SVIL: variants seen among roughly 807,000 people sequenced by gnomAD.
SVIL encodes supervillin, also known as archvillin.
In SVIL, 101 loss-of-function variants were observed where a neutral mutation model predicts 240.4. The ratio of observed to expected loss-of-function variants is 0.42; its 90% CI spans 0.36 to 0.50. The LOEUF is 0.50. SVIL is among the 20% of genes least tolerant of loss of function. The pLI is 0.01. For missense variants in SVIL, 2,512 were observed against 2,818.7 expected (o/e 0.89, Z 2.46); for synonymous variants, 999 against 1,100.0 (o/e 0.91, Z 1.82).
At chr10:29,639,492 G>A (rs899387710), upstream of SVIL, among the ~76,000 whole-genome samples, 1 of 136,564 alleles carries the variant, frequency 7.3e-6, no homozygotes, top group African/African-American at 2.7e-5. Context: ...TTTTTGAGAT[G>A]GAGTTTCACT....
intron 1 of SVIL, among the ~76,000 whole-genome samples, chr10:29,723,197 T>G (rs943470436): frequency 6.6e-6 from 1 of 152,170 alleles, no homozygotes; most frequent in African/African-American, 2.4e-5. Context: ...TAGTGAGACC[T>G]TGTCTCTTCA....
chr10:29,728,543 C>A (rs1964421875), intron 1 of SVIL, among the ~76,000 whole-genome samples: 1 of 151,382 alleles, frequency 6.6e-6, no homozygotes, highest in African/African-American at 2.4e-5. Flanking sequence ...GAAGGGTTTG[C>A]AAATTGTTAA....
intron 29 of SVIL, among the ~76,000 whole-genome samples, chr10:29,480,285 G>A (rs1352746104): frequency 5.9e-5 from 9 of 152,222 alleles, no homozygotes; most frequent in Non-Finnish European, 1.0e-4. Context: ...AGGGAGCTGA[G>A]AAGCCTTGAT....
intron 3 of SVIL, among the ~76,000 whole-genome samples, chr10:29,654,061 A>G (rs188382586): frequency 3.5e-4 from 54 of 152,220 alleles, no homozygotes; most frequent in Non-Finnish European, 1.5e-5. Context: ...TTTAGTATCT[A>G]CTTGTCAATT....
intron 3 of SVIL, among the ~76,000 whole-genome samples, chr10:29,640,362 T>G (rs1958445298): frequency 6.6e-6 from 1 of 152,178 alleles, no homozygotes; most frequent in East Asian, 1.9e-4. Context: ...CATGCCTTTC[T>G]GATCACTCCT....
At chr10:29,660,448 C>CA in intron 2 of SVIL, among the ~76,000 whole-genome samples, 1 of 152,148 alleles carries the variant, frequency 6.6e-6, no homozygotes, top group East Asian at 1.9e-4. Flanking sequence ...CCTGTGTTTA[C>CA]AAAAAATATA....
chr10:29,591,390 G>A (rs1956383986), intron 1 of SVIL, among the ~76,000 whole-genome samples: 1 of 152,170 alleles, frequency 6.6e-6, no homozygotes, highest in African/African-American at 2.4e-5. Context: ...TCCAAACTAA[G>A]AGGCTTTATT....
Position 29,473,884 on chromosome 10 carries a change from G to T in SVIL, c.5483C>A (p.Thr1828Lys). The change falls in exon 30 of 38, where the codon ACG becomes AAG. Residue 1828 changes from threonine (T) to lysine (K), a missense_variant. Physicochemically the swap from Thr to Lys is moderately conservative, Grantham distance 78. Around this residue, in one of 3 missense-constraint regions of SVIL, gnomAD observed 797 missense variants for 925.3 expected, o/e 0.86. Coordinates refer to ENST00000355867, the MANE Select transcript of SVIL (RefSeq NM_021738.3). Reference protein sequence around the residue: ...GRHSTVSEKGTSALMTVELDE... With the variant: ...GRHSTVSEKGKSALMTVELDE... ...CAGCTCCACCGTCATCAGCGCCGAC[G>T]TGCCCTTCTCACTCACGGTGGAGTG... 3 of 1,613,960 alleles carry T rather than the reference G, an allele frequency of 1.9e-6. No homozygotes were observed. The highest frequency in any genetic ancestry group is 2.5e-6 in the Non-Finnish European group (3 of 1,179,968).
At chr10:29,730,343 A>C (rs1053469096) in intron 1 of SVIL, among the ~76,000 whole-genome samples, 1 of 152,030 alleles carries the variant, frequency 6.6e-6, no homozygotes, top group Non-Finnish European at 1.5e-5. Context: ...AGAAGATGAG[A>C]CTCAACCTCC....
intron 1 of SVIL, among the ~76,000 whole-genome samples, chr10:29,571,909 T>C (rs1212399317): frequency 6.6e-6 from 1 of 152,088 alleles, no homozygotes; most frequent in Non-Finnish European, 1.5e-5. Flanking sequence ...GGGATCAAAA[T>C]TGTGATTCAC....
At chr10:29,509,353 GAGAGA>G (rs1312216373) in intron 17 of SVIL, among the ~76,000 whole-genome samples, 3 of 112,904 alleles carry the variant, frequency 2.7e-5, no homozygotes, top group Admixed American at 8.7e-5. Context: ...GAGAGAGAGA[GAGAGA>G]GAGAGAGAGA....
At chr10:29,470,508 A>G (rs762246533) in intron 31 of SVIL, 25 bp from the exon 32 acceptor site, 1 of 1,613,244 alleles carries the variant, frequency 6.2e-7, no homozygotes, top group Non-Finnish European at 8.5e-7. Flanking sequence ...GGCGGCGCGG[A>G]GGAGTTAGCA....
intron 3 of SVIL, among the ~76,000 whole-genome samples, chr10:29,557,436 G>C (rs1278420696): frequency 6.6e-6 from 1 of 151,992 alleles, no homozygotes; most frequent in Non-Finnish European, 1.5e-5. Context: ...ATTTCAACTG[G>C]ATAAGTATCA....
chr10:29,583,445 G>A (rs1475472359), intron 1 of SVIL, among the ~76,000 whole-genome samples: 1 of 152,006 alleles, frequency 6.6e-6, no homozygotes, highest in Non-Finnish European at 1.5e-5. Context: ...GACTACAGGG[G>A]CCCACCACCA....
intron 1 of SVIL, among the ~76,000 whole-genome samples, chr10:29,579,333 G>T (rs1196937651): frequency 6.6e-6 from 1 of 152,196 alleles, no homozygotes; most frequent in Non-Finnish European, 1.5e-5. Flanking sequence ...AGCTACTCGG[G>T]AGGCTGAGAC....
intron 26 of SVIL, among the ~76,000 whole-genome samples, chr10:29,485,268 A>G (rs1947288195): frequency 1.3e-5 from 2 of 151,770 alleles, no homozygotes; most frequent in Non-Finnish European, 2.9e-5. Context: ...CCAGTACACA[A>G]TTCCAAGATC....
chr10:29,496,483 T>C (rs1296676960), intron 18 of SVIL: 5 of 437,270 alleles, frequency 1.1e-5, no homozygotes, highest in Middle Eastern at 1.2e-3. Flanking sequence ...GGACTGACTC[T>C]GAAGGCTGGT....
rs1951224357 is a variant in SVIL, at chr10:29,529,797, T to C, written c.2154A>G (p.Ser718=). Residue 718 remains serine (S), a synonymous_variant, in exon 12 of 38, where the codon TCA becomes TCG. Transcript: ENST00000355867. ...FDEQNVPKRR[S]RNTAVEQRLR... The stretch of plus-strand genomic sequence containing the variant: ...GCCTCTGCTCCACAGCTGTGTTTCT[T>C]GAGCGTCGCTTTGGAACATTTTGTT... 3.1e-6 allele frequency: 5 copies of C among 1,613,390 alleles called. No individual in the cohort carries two copies. In the East Asian group the frequency reaches 1.1e-4, roughly 36 times the overall value.
intron 1 of SVIL, among the ~76,000 whole-genome samples, chr10:29,700,080 A>C (rs1962391683): frequency 6.6e-6 from 1 of 152,234 alleles, no homozygotes; most frequent in Non-Finnish European, 1.5e-5. Context: ...ACATAGACGA[A>C]ATAAATGATT....
Sources: allele counts gnomAD v4.1 joint callset (sites outside exome capture counted in the v4.1 genomes callset), GRCh38; gene constraint gnomAD v4.1.1; regional missense constraint gnomAD v4.1.1; transcripts MANE v1.5; gene names NCBI Gene and HGNC (gene_info 2026-07-23, HGNC 2026-07-21).